NRCAM: variants seen among roughly 807,000 people sequenced by gnomAD.
NRCAM encodes NgCAM-related cell adhesion molecule.
A neutral mutation model predicts 156.5 loss-of-function variants in NRCAM; 83 were observed. That is an observed-to-expected ratio of 0.53 (90% CI 0.44 to 0.64). The LOEUF (loss-of-function observed/expected upper bound fraction) is 0.64, where lower values mean the gene tolerates loss of function less well. Ranked by LOEUF, NRCAM falls within the 30% of genes least tolerant of loss-of-function variation. The pLI is 0.00. For synonymous variants in NRCAM, 538 were observed against 563.9 expected, an observed-to-expected ratio of 0.95 and a Z score of 0.65; for missense variants, 1,417 against 1,597.3, an observed-to-expected ratio of 0.89 and a Z score of 1.92.
rs777609344 is a variant in NRCAM at position 108,150,041 on chromosome 7, C to T, written c.3784G>A (p.Val1262Ile). 1.2e-6 allele frequency: 2 copies of T among 1,614,064 alleles called. No homozygotes were observed. The highest frequency in any genetic ancestry group is 8.5e-7 in the Non-Finnish European group (1 of 1,179,932). ...CCATCCTCATTGAACTGGCCATTAA[C>T]CCCTTCTCCATAGTCAACTAGGCTG... is the stretch of plus-strand genomic sequence containing the variant. ...DDSLVDYGEGVNGQFNEDGSF... is the reference protein window; with the variant it reads ...DDSLVDYGEGINGQFNEDGSF... Residue 1262 changes from valine to isoleucine, a missense_variant, in exon 33 of 33, where the codon GTT becomes ATT. Val to Ile is a conservative substitution (Grantham distance 29). Coordinates refer to ENST00000379028, the MANE Select transcript of NRCAM (RefSeq NM_001037132.4).
intron 20 of NRCAM, among the ~76,000 whole-genome samples, chr7:108,188,053 C>A (rs1333685132): frequency 6.6e-6 from 1 of 152,086 alleles, no homozygotes; most frequent in Non-Finnish European, 1.5e-5. Context: ...GACCTTCAGA[C>A]CACAATGCTG....
Position 108,164,514 on chromosome 7 carries a change from A to T in NRCAM, c.3466+2407T>A, listed in dbSNP as rs76163570. On this transcript the variant is annotated intron_variant, in intron 30 of 32. Transcript: ENST00000379028. Reference sequence around the variant, plus strand: ...AAAAATTAGCCAATGATAGGCTTTCATGCCAAATATTGACATCCTTACACC... The same window carrying T: ...AAAAATTAGCCAATGATAGGCTTTCTTGCCAAATATTGACATCCTTACACC... Among the ~76,000 whole-genome samples the T allele has an allele frequency of 3.6e-5, 5 of 137,168 alleles. No homozygotes were observed. In the East Asian group the frequency reaches 1.0e-3, roughly 29 times the overall value. 90.0% of individuals were successfully genotyped at this position (137,168 alleles called of 152,430 possible).
At chr7:108,256,205 A>C (rs1012814087) in intron 3 of NRCAM, among the ~76,000 whole-genome samples, 31 of 152,114 alleles carry the variant, frequency 2.0e-4, no homozygotes, top group Middle Eastern at 3.4e-3. Flanking sequence ...TGGGGAAAAG[A>C]AAGAGAGATC....
chr7:108,228,856 C>T (rs1461465689), intron 8 of NRCAM, among the ~76,000 whole-genome samples: 1 of 152,090 alleles, frequency 6.6e-6, no homozygotes, highest in Non-Finnish European at 1.5e-5. Flanking sequence ...CTGTAAAAGA[C>T]TAGATTTACT....
At chr7:108,252,212 T>C (rs2153906335) in intron 3 of NRCAM, among the ~76,000 whole-genome samples, 1 of 152,288 alleles carries the variant, frequency 6.6e-6, no homozygotes, top group Non-Finnish European at 1.5e-5. Flanking sequence ...AATAAATGGC[T>C]AAAGGTCCTG....
chr7:108,160,328 C>T, intron 31 of NRCAM, 33 bp downstream of exon 31: 2 of 1,586,274 alleles, frequency 1.3e-6, no homozygotes, highest in Non-Finnish European at 1.7e-6. Context: ...TATTATGTAG[C>T]ATTATAAAGC....
At chr7:108,289,436 T>C (rs554303021) in intron 3 of NRCAM, among the ~76,000 whole-genome samples, 1 of 152,208 alleles carries the variant, frequency 6.6e-6, no homozygotes, top group Non-Finnish European at 1.5e-5. Flanking sequence ...AAAACTATAT[T>C]GTTTTTAATT....
intron 32 of NRCAM, among the ~76,000 whole-genome samples, chr7:108,155,101 T>TATACACACACAC (rs1270777439): frequency 2.1e-4 from 26 of 123,106 alleles, no homozygotes; most frequent in African/African-American, 7.4e-4. Context: ...TATATATATA[T>TATACACACACAC]ACACACACAC....
chr7:108,249,898 A>C (rs867655148), intron 3 of NRCAM, among the ~76,000 whole-genome samples: 27 of 152,222 alleles, frequency 1.8e-4, no homozygotes, highest in African/African-American at 6.5e-4. Context: ...ATGTCAATTC[A>C]AAGAGCACTT....
intron 32 of NRCAM, among the ~76,000 whole-genome samples, chr7:108,154,738 A>G (rs368778096): frequency 1.9e-4 from 29 of 152,198 alleles, no homozygotes; most frequent in African/African-American, 4.1e-4. Flanking sequence ...AAAAAATTAT[A>G]TAAGTCATAC....
chr7:108,238,987 G>C (rs1165085483), intron 4 of NRCAM, among the ~76,000 whole-genome samples: 6 of 152,032 alleles, frequency 3.9e-5, no homozygotes, highest in Non-Finnish European at 7.4e-5. Flanking sequence ...ATAGCCCCAG[G>C]AAAGTGCTAT....
chr7:108,280,098 C>A (rs2097793003), intron 3 of NRCAM, among the ~76,000 whole-genome samples: 1 of 152,162 alleles, frequency 6.6e-6, no homozygotes, highest in Non-Finnish European at 1.5e-5. Context: ...ATAGTGAATA[C>A]AATGAAAGCC....
chr7:108,434,340 A>G (rs1829506035), intron 1 of NRCAM, among the ~76,000 whole-genome samples: 1 of 152,236 alleles, frequency 6.6e-6, no homozygotes, highest in African/African-American at 2.4e-5. Context: ...CCAGCAGTTT[A>G]GATAGACTGA....
intron 15 of NRCAM, among the ~76,000 whole-genome samples, chr7:108,195,489 G>A (rs1018325335): frequency 2.6e-5 from 4 of 151,930 alleles, no homozygotes; most frequent in South Asian, 2.1e-4. Flanking sequence ...GGTGGTAGGC[G>A]GCTGTAGGCC....
chr7:108,355,437 A>G (rs1274145874), intron 2 of NRCAM, among the ~76,000 whole-genome samples: 1 of 152,218 alleles, frequency 6.6e-6, no homozygotes, highest in Admixed American at 6.5e-5. Flanking sequence ...ACAAAGTACA[A>G]GGGGATGAAA....
At chr7:108,411,601 C>T (rs1287635165) in intron 1 of NRCAM, among the ~76,000 whole-genome samples, 2 of 152,134 alleles carry the variant, frequency 1.3e-5, no homozygotes, top group African/African-American at 4.8e-5. Flanking sequence ...GTGATCTCAG[C>T]TCACTGCAAC....
In NRCAM at chr7:108,347,183, G is replaced by A. The variant is rs1462888902; in HGVS notation, c.-173-34452C>T. On this transcript the variant is annotated intron_variant, in intron 2 of 32. Transcript: ENST00000379028. ...CTCCCAAGTAGCTGGGACTACAGGC[G>A]CCTGCCACCATGCCTGGCTAATTTT... Among the ~76,000 whole-genome samples the A allele has an allele frequency of 9.2e-5, 14 of 151,626 alleles. No homozygotes were observed. In the East Asian group the frequency reaches 9.7e-4, roughly 10 times the overall value.
chr7:108,385,645 A>T (rs1229056563), intron 2 of NRCAM, among the ~76,000 whole-genome samples: 1 of 152,208 alleles, frequency 6.6e-6, no homozygotes, highest in Non-Finnish European at 1.5e-5. Flanking sequence ...TCAGTAGATT[A>T]GTTCAATAAT....
chr7:108,172,379 T>G (rs2058790638), intron 28 of NRCAM, among the ~76,000 whole-genome samples: 1 of 152,122 alleles, frequency 6.6e-6, no homozygotes, highest in South Asian at 2.1e-4. Context: ...CACTGCAGCC[T>G]CTGCCTCCTG....
Sources: allele counts gnomAD v4.1 joint callset (sites outside exome capture counted in the v4.1 genomes callset), GRCh38; gene constraint gnomAD v4.1.1; transcripts MANE v1.5; gene names NCBI Gene and HGNC (gene_info 2026-07-23, HGNC 2026-07-21).